The following TECPR2 variants were observed in gnomAD, a reference collection of about 807,000 sequenced individuals.
The protein encoded by TECPR2 is tectonin beta-propeller repeat-containing protein 2.
TECPR2 carries 65 observed loss-of-function variants against 138.1 expected under a neutral mutation model. The observed-to-expected ratio is 0.47, with a 90% CI of 0.39 to 0.58. TECPR2 has a LOEUF of 0.58. TECPR2 is among the 20% of genes least tolerant of loss of function. TECPR2 has a pLI of 0.00. For synonymous variants in TECPR2, 746 were observed against 749.8 expected, an observed-to-expected ratio of 0.99 and a Z score of 0.08; for missense variants, 1,553 against 1,824.5, an observed-to-expected ratio of 0.85 and a Z score of 2.71.
At chr14:102,436,334 T>C (rs1438931026) in intron 9 of TECPR2, among the ~76,000 whole-genome samples, 3 of 150,496 alleles carry the variant, frequency 2.0e-5, no homozygotes, top group African/African-American at 7.3e-5. Context: ...TTTTTTTTTT[T>C]CTGAGACAGG....
chr14:102,365,515 A>G (rs749278938), intron 1 of TECPR2, among the ~76,000 whole-genome samples: 7 of 152,228 alleles, frequency 4.6e-5, no homozygotes, highest in Non-Finnish European at 8.8e-5. Flanking sequence ...TGGCCTGTCT[A>G]CACAATGGAA....
chr14:102,366,717 T>C (rs1378294500), intron 1 of TECPR2, among the ~76,000 whole-genome samples: 1 of 152,246 alleles, frequency 6.6e-6, no homozygotes, highest in East Asian at 1.9e-4. Flanking sequence ...TTACTGAGCA[T>C]CTACTCTGTG....
chr14:102,451,585 G>C (rs1157600122), intron 15 of TECPR2, among the ~76,000 whole-genome samples: 1 of 152,048 alleles, frequency 6.6e-6, no homozygotes, highest in African/African-American at 2.4e-5. Context: ...CATGTTGCAG[G>C]GATGTTACCG....
chr14:102,477,631 A>C (rs1264309713), intron 17 of TECPR2, among the ~76,000 whole-genome samples: 4 of 144,518 alleles, frequency 2.8e-5, no homozygotes, highest in Non-Finnish European at 6.0e-5. Flanking sequence ...GCTCACTGCA[A>C]GCTCCGCCTC....
Position 102,425,102 on chromosome 14 carries a change from G to A in TECPR2, c.762G>A (p.Thr254=), listed in dbSNP as rs138070234. Residue 254 remains threonine (T), a synonymous_variant, in exon 6 of 20, where the codon ACG becomes ACA. Coordinates refer to ENST00000359520, the MANE Select transcript of TECPR2 (RefSeq NM_014844.5). ...ATGTCCACGGGACTGTTCAAGCCAC[G>A]TTTATCTTAAAAGATGCTTTTGCCG... ...KADVHGTVQA[T]FILKDAFAGG... The A allele has an allele frequency of 1.9e-4, 309 of 1,614,156 alleles. 2 individuals are homozygous for A. In the African/African-American group the frequency reaches 3.7e-3, roughly 19 times the overall value.
chr14:102,466,367 G>A (rs1890550910), intron 17 of TECPR2, among the ~76,000 whole-genome samples: 1 of 152,202 alleles, frequency 6.6e-6, no homozygotes. Context: ...ATACGGCACT[G>A]TCAAACATGA....
intron 1 of TECPR2, among the ~76,000 whole-genome samples, chr14:102,366,105 G>A (rs1479249786): frequency 2.6e-5 from 4 of 152,128 alleles, no homozygotes; most frequent in Admixed American, 2.6e-4. Flanking sequence ...TTATTGTACA[G>A]CGAAGTGGAT....
At chr14:102,437,962 C>G in intron 9 of TECPR2, 60 bp from the exon 10 acceptor site, 1 of 1,569,510 alleles carries the variant, frequency 6.4e-7, no homozygotes, top group East Asian at 2.3e-5. Flanking sequence ...TTACTGAGAA[C>G]AGTAAGCCAA....
intron 17 of TECPR2, among the ~76,000 whole-genome samples, chr14:102,470,061 A>G (rs1890624689): frequency 6.6e-6 from 1 of 152,072 alleles, no homozygotes; most frequent in African/African-American, 2.4e-5. Context: ...TTTTCTTGCC[A>G]TGTGTTTGTC....
At chr14:102,497,505 G>C in intron 18 of TECPR2, 65 bp from the exon 19 acceptor site, 1 of 1,420,514 alleles carries the variant, frequency 7.0e-7, no homozygotes, top group Non-Finnish European at 9.2e-7. Flanking sequence ...ACAAGAGTCG[G>C]CTTGGGAAGC....
chr14:102,459,908 G>A lies in TECPR2; in HGVS notation c.3641-5233G>A, dbSNP rs117085991. Among the ~76,000 whole-genome samples the A allele has an allele frequency of 5.9e-5, 9 of 152,276 alleles. No homozygotes were observed. In the East Asian group the frequency reaches 1.5e-3, roughly 26 times the overall value. The stretch of plus-strand genomic sequence containing the variant: ...CCTCTGCTCCCTCGGGGACAGTGTT[G>A]ACCTTGGGCAGCACTAACTCATTGT... On this transcript the variant is annotated intron_variant, in intron 16 of 19. Transcript: ENST00000359520.
At chr14:102,467,855 A>G (rs1373066268) in intron 17 of TECPR2, among the ~76,000 whole-genome samples, 1 of 128,994 alleles carries the variant, frequency 7.8e-6, no homozygotes, top group African/African-American at 3.0e-5. Flanking sequence ...TTTTTTTTTT[A>G]TGATGGAGTC....
intron 7 of TECPR2, among the ~76,000 whole-genome samples, chr14:102,430,385 C>T (rs1889436800): frequency 6.6e-6 from 1 of 152,228 alleles, no homozygotes; most frequent in African/African-American, 2.4e-5. Flanking sequence ...ATGTAATCTT[C>T]AGCAAGTCGC....
intron 2 of TECPR2, among the ~76,000 whole-genome samples, chr14:102,384,327 A>ACTT (rs1887930354): frequency 4.6e-5 from 7 of 151,868 alleles, no homozygotes; most frequent in African/African-American, 1.7e-4. Context: ...TCTGGTGGGG[A>ACTT]CCTCATGCTG....
chr14:102,369,350 G>A (rs1023700815), intron 1 of TECPR2, among the ~76,000 whole-genome samples: 5 of 152,100 alleles, frequency 3.3e-5, no homozygotes. Context: ...ATTTGACAGA[G>A]CTACTATGAG....
Position 102,440,500 on chromosome 14 carries a change from C to G in TECPR2, c.2643C>G (p.Ile881Met). 6.2e-7 allele frequency: 1 copy of G among 1,614,178 alleles called. No homozygotes were observed. The highest frequency in any genetic ancestry group is 1.1e-5 in the South Asian group (1 of 91,086). Residue 881 changes from isoleucine (I) to methionine (M), a missense_variant, in exon 11 of 20, where the codon ATC becomes ATG. Transcript: ENST00000359520. ...CTTTTGCTTGTGGGAAAGTCACCAT[C>G]AAGGGGAAGCGGCACTGGTACGAAG... ...NRAFACGKVT[I>M]KGKRHWYEAL...
chr14:102,397,322 C>T (rs184702510), intron 2 of TECPR2, among the ~76,000 whole-genome samples: 12 of 151,474 alleles, frequency 7.9e-5, no homozygotes, highest in South Asian at 4.2e-4. Flanking sequence ...AAACAAATCA[C>T]GAGGCACACA....
chr14:102,475,753 AC>A (rs1285787472), intron 17 of TECPR2, among the ~76,000 whole-genome samples: 1 of 152,200 alleles, frequency 6.6e-6, no homozygotes, highest in African/African-American at 2.4e-5. Flanking sequence ...GCAGGAAAAT[AC>A]GACCTGCAAT....
At chr14:102,488,244 A>G (rs1453854018) in intron 17 of TECPR2, among the ~76,000 whole-genome samples, 1 of 150,530 alleles carries the variant, frequency 6.6e-6, no homozygotes, top group Non-Finnish European at 1.5e-5. Flanking sequence ...GTCTCGAGCT[A>G]CTGGGCTCAG....
Sources: allele counts gnomAD v4.1 joint callset (sites outside exome capture counted in the v4.1 genomes callset), GRCh38; gene constraint gnomAD v4.1.1; transcripts MANE v1.5; gene names NCBI Gene and HGNC (gene_info 2026-07-23, HGNC 2026-07-21).